NTMT2: variants seen among roughly 807,000 people sequenced by gnomAD.
The protein encoded by NTMT2 is X-Pro-Lys N-terminal protein methyltransferase 1B.
Under a neutral mutation model 23.4 loss-of-function variants are expected in NTMT2, and 21 were observed. The ratio of observed to expected loss-of-function variants is 0.90; its 90% CI spans 0.64 to 1.29. The LOEUF is 1.29. Ranked by LOEUF, NTMT2 falls within the 50% of genes most tolerant of loss-of-function variation. The pLI is 0.00. For synonymous variants in NTMT2, 131 were observed against 127.7 expected, an observed-to-expected ratio of 1.03 and a Z score of -0.17; for missense variants, 336 against 352.0, an observed-to-expected ratio of 0.95 and a Z score of 0.36.
At chr1:170,156,939 G>A (rs1439743445) in intron 1 of NTMT2, among the ~76,000 whole-genome samples, 2 of 152,150 alleles carry the variant, frequency 1.3e-5, no homozygotes, top group Admixed American at 1.3e-4. Flanking sequence ...AGGTGATGAT[G>A]AGTGTGGCTG....
intron 1 of NTMT2, among the ~76,000 whole-genome samples, chr1:170,146,924 G>A (rs1229946511): frequency 6.6e-6 from 1 of 152,188 alleles, no homozygotes; most frequent in African/African-American, 2.4e-5. Flanking sequence ...TTCAGCCTCT[G>A]TGAAAGCAGT....
chr1:170,156,319 G>A (rs995734737), intron 1 of NTMT2, among the ~76,000 whole-genome samples: 1 of 152,050 alleles, frequency 6.6e-6, no homozygotes, highest in African/African-American at 2.4e-5. Flanking sequence ...CCTGAATGTT[G>A]TACTGGGGCT....
chr1:170,152,652 G>A (rs1673092275), intron 1 of NTMT2, among the ~76,000 whole-genome samples: 2 of 152,034 alleles, frequency 1.3e-5, no homozygotes, highest in Admixed American at 1.3e-4. Flanking sequence ...GGTAATGACA[G>A]CTTTCTAGTA....
intron 2 of NTMT2, 93 bp downstream of exon 2, chr1:170,160,786 G>A (rs967285715): frequency 1.8e-6 from 2 of 1,136,556 alleles, no homozygotes; most frequent in Non-Finnish European, 2.4e-6. Context: ...TCACGACTAA[G>A]CCATATGACC....
rs532666051 is a variant in NTMT2, at chr1:170,167,861, G to A, written c.*104G>A. 12 of 1,245,290 alleles carry A rather than the reference G, an allele frequency of 9.6e-6. No individual in the cohort carries two copies. The South Asian group carries it at 1.6e-4, about 16-fold the overall frequency. The allele number at this position is 1,245,290 out of a possible 1,614,324, so 77.1% of individuals were successfully genotyped here. A position where few individuals can be genotyped will look rare whatever the true frequency, so the allele number is the denominator to read the frequency against. On this transcript the variant is annotated 3_prime_UTR_variant, in exon 4 of 4. Coordinates refer to ENST00000439373, the MANE Select transcript of NTMT2 (RefSeq NM_001136107.2). ...AATGCAGATAGGGATGGCAAGAAAA[G>A]GGATACAACATATGTCTGCAAATTA...
At chr1:170,154,400 G>A (rs1202446109) in intron 1 of NTMT2, among the ~76,000 whole-genome samples, 1 of 152,158 alleles carries the variant, frequency 6.6e-6, no homozygotes, top group Non-Finnish European at 1.5e-5. Context: ...AGACCCACCT[G>A]CAGTTTACAA....
chr1:170,146,206 C>T lies in NTMT2; in HGVS notation c.99C>T (p.Ala33=). 6.4e-7 allele frequency: 1 copy of T among 1,551,008 alleles called. No individual in the cohort carries two copies. Among genetic ancestry groups the T allele is most frequent in the Middle Eastern group, 1.7e-4 (1 of 5,988 alleles). Residue 33 remains alanine, a synonymous_variant, in exon 1 of 4, where the codon GCC becomes GCT. Transcript: ENST00000439373. ...RHSMSFILHK[A]IRNDFFQSYL... is the part of the protein sequence containing the mutation. The stretch of plus-strand genomic sequence containing the variant: ...GCATGTCTTTTATCCTTCACAAAGC[C>T]ATTCGCAATGACTTCTTTCAGAGCT...
rs1673362584 is a variant in NTMT2, at chr1:170,165,479, G to A, written c.331-1023G>A. ...TTTGCCAAAACTACCCTTTATCCAT[G>A]TGAACTTGCTGTGTGCCATCAGGGC... On this transcript the variant is annotated intron_variant, in intron 2 of 3. Transcript: ENST00000439373. Among the ~76,000 whole-genome samples the A allele has an allele frequency of 2.6e-5, 4 of 152,276 alleles. No homozygotes were observed. In the South Asian group the frequency reaches 8.3e-4, roughly 32 times the overall value.
At chr1:170,155,953 T>C (rs1449299481) in intron 1 of NTMT2, among the ~76,000 whole-genome samples, 1 of 152,092 alleles carries the variant, frequency 6.6e-6, no homozygotes, top group Non-Finnish European at 1.5e-5. Flanking sequence ...AATGGTGCAT[T>C]GCCTCAAGGT....
At chr1:170,160,793 G>C in intron 2 of NTMT2, 100 bp downstream of exon 2, 1 of 1,073,570 alleles carries the variant, frequency 9.3e-7, no homozygotes, top group South Asian at 2.2e-5. Flanking sequence ...TAAGCCATAT[G>C]ACCCAGCCAA....
At chr1:170,160,118 T>A (rs1291910273) in intron 1 of NTMT2, among the ~76,000 whole-genome samples, 1 of 152,242 alleles carries the variant, frequency 6.6e-6, no homozygotes, top group African/African-American at 2.4e-5. Flanking sequence ...ATAAGCTTAA[T>A]GAGAAAATTC....
chr1:170,165,369 G>C (rs1197621787), intron 2 of NTMT2, among the ~76,000 whole-genome samples: 2 of 152,092 alleles, frequency 1.3e-5, no homozygotes, highest in Non-Finnish European at 2.9e-5. Flanking sequence ...AACAGTTTTA[G>C]AGTTTTATGC....
chr1:170,160,756 C>T, intron 2 of NTMT2, 63 bp downstream of exon 2: 1 of 1,356,434 alleles, frequency 7.4e-7, no homozygotes, highest in Non-Finnish European at 9.8e-7. Flanking sequence ...AGCTCGCATG[C>T]CTCTGTGTTG....
At chr1:170,166,127 T>A (rs1439315990) in intron 2 of NTMT2, among the ~76,000 whole-genome samples, 3 of 102,876 alleles carry the variant, frequency 2.9e-5, no homozygotes, top group Non-Finnish European at 4.0e-5. Context: ...TTTTCTTTCT[T>A]TTTTTTTTTT....
intron 1 of NTMT2, among the ~76,000 whole-genome samples, chr1:170,150,887 A>T (rs1220683577): frequency 6.6e-6 from 1 of 152,224 alleles, no homozygotes; most frequent in Non-Finnish European, 1.5e-5. Flanking sequence ...CAAAGGGCTC[A>T]ACTGGAGATG....
At chr1:170,166,125 C>CT (rs1420113193) in intron 2 of NTMT2, among the ~76,000 whole-genome samples, 9,474 of 112,460 alleles carry the variant, frequency 0.084, 290 homozygotes, top group Middle Eastern at 0.13. Context: ...AATTTTCTTT[C>CT]TTTTTTTTTT....
At chr1:170,148,106 A>G (rs1350046513) in intron 1 of NTMT2, among the ~76,000 whole-genome samples, 3 of 136,310 alleles carry the variant, frequency 2.2e-5, no homozygotes, top group East Asian at 2.2e-4. Flanking sequence ...TCCTTGGTCT[A>G]TTCTCTTAGA....
At chr1:170,167,256 C>T (rs550285305) in intron 3 of NTMT2, among the ~76,000 whole-genome samples, 2 of 152,150 alleles carry the variant, frequency 1.3e-5, no homozygotes, top group Admixed American at 6.5e-5. Flanking sequence ...CCTATGAGGT[C>T]GACAGGCTAG....
rs1229996470 is a variant in NTMT2, at chr1:170,160,707, C to T, written c.330+14C>T. 2.6e-6 allele frequency: 4 copies of T among 1,512,538 alleles called. No individual in the cohort carries two copies. Among genetic ancestry groups the T allele is most frequent in the Non-Finnish European group, 3.5e-6 (4 of 1,131,310 alleles). 93.7% of individuals were successfully genotyped at this position (1,512,538 alleles called of 1,614,324 possible). ...AAATTTGTTGGGGTGAGTTATTCAACTGCAGCTTGATGAGAAGGCAAAGTC... is the reference window on the plus strand; with the variant it reads ...AAATTTGTTGGGGTGAGTTATTCAATTGCAGCTTGATGAGAAGGCAAAGTC... On this transcript the variant is annotated intron_variant, in intron 2 of 3. Coordinates refer to ENST00000439373, the MANE Select transcript of NTMT2 (RefSeq NM_001136107.2).
Sources: gnomAD v4.1 joint callset for allele counts (sites outside exome capture counted in the v4.1 genomes callset) on GRCh38, gnomAD v4.1.1 for gene constraint, MANE v1.5 for transcripts, NCBI Gene and HGNC (gene_info 2026-07-23, HGNC 2026-07-21) for gene names.